Variants in PRKG1 observed in about 807,000 individuals in gnomAD.
PRKG1 encodes the protein protein kinase cGMP-dependent 1.
Under a neutral mutation model 88.1 loss-of-function variants are expected in PRKG1, and 35 were observed. That is an observed-to-expected ratio of 0.40 (90% CI 0.30 to 0.53). PRKG1 has a LOEUF of 0.53. Among genes scored for constraint, PRKG1 ranks in the 20% least tolerant of loss-of-function variants. The pLI, the probability that PRKG1 is intolerant of heterozygous loss-of-function variation, is 0.59. For missense variants in PRKG1, 540 were observed against 839.8 expected (o/e 0.64, Z 4.41); for synonymous variants, 303 against 292.5 (o/e 1.04, Z -0.37).
chr10:52,004,129 A>G (rs958379675), intron 5 of PRKG1, among the ~76,000 whole-genome samples: 4 of 152,208 alleles, frequency 2.6e-5, no homozygotes, highest in Non-Finnish European at 4.4e-5. Context: ...TTTTAAGAAG[A>G]CATTGAATTT....
chr10:51,846,239 A>G (rs900648271), intron 4 of PRKG1, among the ~76,000 whole-genome samples: 3 of 152,186 alleles, frequency 2.0e-5, no homozygotes, highest in Admixed American at 1.3e-4. Context: ...CCTGATGAGC[A>G]AAATAGAAAA....
intron 9 of PRKG1, among the ~76,000 whole-genome samples, chr10:52,220,584 A>G (rs1002113068): frequency 5.9e-5 from 9 of 151,746 alleles, no homozygotes; most frequent in Admixed American, 6.6e-5. Context: ...CCACCCTCCA[A>G]TAGGCCCCAG....
chr10:51,575,334 C>G lies in PRKG1; in HGVS notation c.592+107498C>G, dbSNP rs1837858892. 2.6e-5 allele frequency among the ~76,000 whole-genome samples: 4 copies of G among 151,988 alleles called. No individual in the cohort carries two copies. In the South Asian group the frequency reaches 8.3e-4, roughly 31 times the overall value. ...ATACTAGCGTAAGATTCCAGTAAGA[C>G]CAACACCACACTGCAGTTTGAGGTG... On this transcript the variant is annotated intron_variant, in intron 3 of 17. Transcript: ENST00000373980.
At chr10:51,120,259 A>C (rs1048973125) in intron 1 of PRKG1, among the ~76,000 whole-genome samples, 2 of 152,128 alleles carry the variant, frequency 1.3e-5, no homozygotes, top group African/African-American at 4.8e-5. Flanking sequence ...CTTAAGCTAA[A>C]TAATGGTTAA....
chr10:51,565,636 A>AAC (rs1249019356), intron 3 of PRKG1, among the ~76,000 whole-genome samples: 1 of 152,152 alleles, frequency 6.6e-6, no homozygotes, highest in African/African-American at 2.4e-5. Flanking sequence ...AGTATATCCA[A>AAC]TGTGCAAACT....
At chr10:51,016,820 C>T (rs1249056392) in intron 1 of PRKG1, among the ~76,000 whole-genome samples, 1 of 150,950 alleles carries the variant, frequency 6.6e-6, no homozygotes, top group Non-Finnish European at 1.5e-5. Flanking sequence ...AAGTGTTTGC[C>T]ACCACACCCA....
At chr10:51,494,461 T>A (rs768663413) in intron 3 of PRKG1, among the ~76,000 whole-genome samples, 4 of 152,194 alleles carry the variant, frequency 2.6e-5, no homozygotes, top group Non-Finnish European at 5.9e-5. Flanking sequence ...TAAATGATAG[T>A]AGGGAAGTTT....
chr10:52,030,576 T>C (rs1845450073), intron 5 of PRKG1, among the ~76,000 whole-genome samples: 1 of 152,112 alleles, frequency 6.6e-6, no homozygotes, highest in Admixed American at 6.6e-5. Context: ...TTAAGTGATA[T>C]TGAAGGTCGA....
At chr10:51,983,175 G>T (rs1319119717) in intron 5 of PRKG1, among the ~76,000 whole-genome samples, 2 of 152,256 alleles carry the variant, frequency 1.3e-5, no homozygotes, top group Admixed American at 6.5e-5. Context: ...CGTGGGGCTG[G>T]CTGGCTCTTT....
intron 3 of PRKG1, among the ~76,000 whole-genome samples, chr10:51,720,027 A>G (rs956097622): frequency 3.3e-5 from 5 of 152,202 alleles, no homozygotes; most frequent in Non-Finnish European, 7.4e-5. Context: ...GAAGTAGCCA[A>G]GAAAAGATTT....
At chr10:52,286,547 G>T (rs1259127239) in intron 14 of PRKG1, among the ~76,000 whole-genome samples, 1 of 151,996 alleles carries the variant, frequency 6.6e-6, no homozygotes, top group African/African-American at 2.4e-5. Flanking sequence ...TAATTGAACA[G>T]AATGTAAATA....
At chr10:52,088,182 C>G (rs1418836759) in intron 7 of PRKG1, among the ~76,000 whole-genome samples, 1 of 152,036 alleles carries the variant, frequency 6.6e-6, no homozygotes, top group East Asian at 1.9e-4. Flanking sequence ...ATAGTATACA[C>G]TCAGTTCTTT....
chr10:51,729,734 A>G (rs988751251), intron 3 of PRKG1, among the ~76,000 whole-genome samples: 4 of 148,326 alleles, frequency 2.7e-5, no homozygotes, highest in African/African-American at 1.0e-4. Flanking sequence ...AAAAAAAAAA[A>G]GGATGAGAAA....
At chr10:51,689,280 G>A (rs1272443103) in intron 3 of PRKG1, among the ~76,000 whole-genome samples, 1 of 124,748 alleles carries the variant, frequency 8.0e-6, no homozygotes, top group African/African-American at 3.4e-5. Flanking sequence ...ATATTTCAAA[G>A]CATTCAAGAT....
At chr10:52,091,705 A>G (rs1329849353) in intron 7 of PRKG1, among the ~76,000 whole-genome samples, 1 of 152,192 alleles carries the variant, frequency 6.6e-6, no homozygotes, top group Non-Finnish European at 1.5e-5. Context: ...TTTATTTTGT[A>G]GAGATTTAAA....
At chr10:52,226,075 C>T (rs1840382788) in intron 9 of PRKG1, among the ~76,000 whole-genome samples, 1 of 150,898 alleles carries the variant, frequency 6.6e-6, no homozygotes, top group Non-Finnish European at 1.5e-5. Context: ...CATCCTCAGC[C>T]AGCATCTATA....
intron 4 of PRKG1, among the ~76,000 whole-genome samples, chr10:51,847,506 A>C (rs1348942305): frequency 6.6e-6 from 1 of 151,996 alleles, no homozygotes; most frequent in African/African-American, 2.4e-5. Flanking sequence ...ATATGTAATT[A>C]CTCATTGCAA....
At chr10:52,011,623 T>C (rs1275275904) in intron 5 of PRKG1, among the ~76,000 whole-genome samples, 1 of 152,214 alleles carries the variant, frequency 6.6e-6, no homozygotes, top group Non-Finnish European at 1.5e-5. Flanking sequence ...GTACTCCTCA[T>C]CTGATTTGTT....
chr10:51,215,504 A>T (rs553275863), intron 2 of PRKG1, among the ~76,000 whole-genome samples: 72 of 152,314 alleles, frequency 4.7e-4, no homozygotes, highest in African/African-American at 1.6e-3. Flanking sequence ...TAGGGAAGAC[A>T]GCTGAATAGA....
Sources: allele counts gnomAD v4.1 joint callset (sites outside exome capture counted in the v4.1 genomes callset), GRCh38; gene constraint gnomAD v4.1.1; transcripts MANE v1.5; gene names NCBI Gene and HGNC (gene_info 2026-07-23, HGNC 2026-07-21).